The following FLT1 variants were observed in gnomAD, a reference collection of about 807,000 sequenced individuals.
FLT1 encodes the protein vascular endothelial growth factor receptor 1.
FLT1 carries 49 observed loss-of-function variants against 156.3 expected under a neutral mutation model. That is an observed-to-expected ratio of 0.31 (90% CI 0.25 to 0.40). The LOEUF (loss-of-function observed/expected upper bound fraction) is 0.40. Among genes scored for constraint, FLT1 ranks in the 10% least tolerant of loss-of-function variants. FLT1 has a pLI of 1.00. For synonymous variants in FLT1, 594 were observed against 583.8 expected, an observed-to-expected ratio of 1.02 and a Z score of -0.25; for missense variants, 1,322 against 1,637.2, an observed-to-expected ratio of 0.81 and a Z score of 3.32.
chr13:28,390,721 T>C (rs1351430812), intron 12 of FLT1, among the ~76,000 whole-genome samples: 1 of 152,172 alleles, frequency 6.6e-6, no homozygotes, highest in Non-Finnish European at 1.5e-5. Context: ...TAAAATCATG[T>C]ACAGTATTCC....
chr13:28,422,744 G>A (rs567203306), intron 10 of FLT1, among the ~76,000 whole-genome samples: 9 of 152,208 alleles, frequency 5.9e-5, no homozygotes, highest in East Asian at 5.8e-4. Context: ...TCAGCTACCC[G>A]AGGGTCTCCT....
At chr13:28,476,141 A>G (rs1272713524) in intron 1 of FLT1, among the ~76,000 whole-genome samples, 2 of 152,218 alleles carry the variant, frequency 1.3e-5, no homozygotes, top group African/African-American at 2.4e-5. Flanking sequence ...ACACACACAC[A>G]CACGCTTGCT....
intron 23 of FLT1, among the ~76,000 whole-genome samples, 199 bp from the exon 24 acceptor site, chr13:28,319,733 C>A (rs7981680): frequency 6.6e-6 from 1 of 152,016 alleles, no homozygotes; most frequent in African/African-American, 2.4e-5. Context: ...TACTGAGTCC[C>A]ATGAAGGCAG....
chr13:28,465,431 G>A (rs908710887), intron 3 of FLT1, among the ~76,000 whole-genome samples: 1 of 152,098 alleles, frequency 6.6e-6, no homozygotes. Flanking sequence ...GCTACAAAGA[G>A]GTTACTGTCA....
At chr13:28,438,377 C>G (rs762974243) in intron 3 of FLT1, 32 bp from the exon 4 acceptor site, 1 of 1,566,696 alleles carries the variant, frequency 6.4e-7, no homozygotes, top group Admixed American at 1.7e-5. Context: ...AAAATATATA[C>G]ATAAATGATT....
chr13:28,361,860 G>A (rs1156952795), intron 14 of FLT1, among the ~76,000 whole-genome samples: 1 of 152,170 alleles, frequency 6.6e-6, no homozygotes, highest in African/African-American at 2.4e-5. Flanking sequence ...TGAAATCTTG[G>A]TTGAGGAGTT....
At chr13:28,357,837 C>A in intron 14 of FLT1, 152 bp from the exon 15 acceptor site, 1 of 571,552 alleles carries the variant, frequency 1.7e-6, no homozygotes, top group Non-Finnish European at 3.1e-6. Context: ...TTTGTTTTCT[C>A]TGGGTCCAGG....
chr13:28,397,817 A>G (rs7334314), intron 11 of FLT1, among the ~76,000 whole-genome samples: 144,884 of 150,950 alleles, frequency 0.96, 69,724 homozygotes, highest in East Asian at 1. Context: ...TCTCTTAATA[A>G]ATTAAGTATC....
At chr13:28,446,622 C>T (rs890983087) in intron 3 of FLT1, among the ~76,000 whole-genome samples, 5 of 152,086 alleles carry the variant, frequency 3.3e-5, no homozygotes, top group African/African-American at 1.2e-4. Flanking sequence ...ACTTTGAAAA[C>T]TATAAGACAT....
At chr13:28,382,135 A>G (rs965072549) in intron 14 of FLT1, among the ~76,000 whole-genome samples, 9 of 152,334 alleles carry the variant, frequency 5.9e-5, no homozygotes, top group Admixed American at 2.6e-4. Context: ...AGTCTCAGCA[A>G]GAGAGAAGTA....
intron 4 of FLT1, among the ~76,000 whole-genome samples, chr13:28,437,059 G>A (rs1319582377): frequency 6.6e-6 from 1 of 152,206 alleles, no homozygotes; most frequent in Non-Finnish European, 1.5e-5. Flanking sequence ...GAGAAGGCAA[G>A]GTATTGGCTC....
chr13:28,326,303 C>T (rs1345129625), intron 20 of FLT1, among the ~76,000 whole-genome samples: 2 of 152,130 alleles, frequency 1.3e-5, no homozygotes, highest in Non-Finnish European at 2.9e-5. Context: ...GAAGTAGAGA[C>T]AGGATTTGAA....
intron 3 of FLT1, among the ~76,000 whole-genome samples, chr13:28,444,870 A>G (rs1878524182): frequency 6.6e-6 from 1 of 152,156 alleles, no homozygotes; most frequent in Non-Finnish European, 1.5e-5. Context: ...GGATGAAGCT[A>G]AAACAGTGTT....
At chr13:28,436,533 G>A (rs936656857) in intron 4 of FLT1, among the ~76,000 whole-genome samples, 1 of 152,152 alleles carries the variant, frequency 6.6e-6, no homozygotes, top group Non-Finnish European at 1.5e-5. Context: ...ACCAGCCCCA[G>A]ATTTTTATAT....
chr13:28,389,498 T>C lies in FLT1; in HGVS notation c.1969+298A>G, dbSNP rs1234054047. ...GAAGGCAGTGCAGGGATCCTCCAAA[T>C]CCAAACGTGCACCAAGTCGGCCCCC... On this transcript the variant is annotated intron_variant, in intron 13 of 29. Coordinates refer to ENST00000282397, the MANE Select transcript of FLT1 (RefSeq NM_002019.4). 5.7e-6 allele frequency: 8 copies of C among 1,414,816 alleles called. No individual in the cohort carries two copies. In the Admixed American group the frequency reaches 2.1e-4, roughly 38 times the overall value. The allele number at this position is 1,414,816 out of a possible 1,614,324, so 87.6% of individuals were successfully genotyped here.
chr13:28,460,675 A>G (rs1037237756), intron 3 of FLT1, among the ~76,000 whole-genome samples: 1 of 79,372 alleles, frequency 1.3e-5, no homozygotes. Flanking sequence ...CACCCCCCCA[A>G]AAAATCACAG....
chr13:28,380,586 G>C (rs1208699829), intron 14 of FLT1, among the ~76,000 whole-genome samples: 3 of 150,394 alleles, frequency 2.0e-5, no homozygotes, highest in Non-Finnish European at 4.4e-5. Context: ...ATCCTAGAAT[G>C]ATATTTATAG....
At chr13:28,467,300 T>G (rs908826439) in intron 2 of FLT1, among the ~76,000 whole-genome samples, 171 bp from the exon 3 acceptor site, 2 of 152,116 alleles carry the variant, frequency 1.3e-5, no homozygotes, top group Admixed American at 1.3e-4. Context: ...ATACTCAGAA[T>G]AAAGATGCAG....
intron 12 of FLT1, among the ~76,000 whole-genome samples, chr13:28,396,179 T>C (rs968413532): frequency 6.6e-6 from 1 of 152,208 alleles, no homozygotes; most frequent in East Asian, 1.9e-4. Flanking sequence ...ACAACACATA[T>C]GTGTCATGGA....
Sources: gnomAD v4.1 joint callset for allele counts (sites outside exome capture counted in the v4.1 genomes callset) on GRCh38, gnomAD v4.1.1 for gene constraint, MANE v1.5 for transcripts, NCBI Gene and HGNC (gene_info 2026-07-23, HGNC 2026-07-21) for gene names.